The following LRCH3 variants were observed in gnomAD, a reference collection of about 807,000 sequenced individuals.
LRCH3 encodes the protein leucine rich repeats and calponin homology domain containing 3.
In LRCH3, 68 loss-of-function variants were observed where a neutral mutation model predicts 104.5. The observed-to-expected ratio is 0.65, with a 90% CI of 0.54 to 0.80. The LOEUF (loss-of-function observed/expected upper bound fraction) is 0.80, where lower values mean the gene tolerates loss of function less well. Ranked by LOEUF, LRCH3 falls within the 30% of genes least tolerant of loss-of-function variation. The pLI is 0.00. For synonymous variants in LRCH3, 344 were observed against 361.3 expected (o/e 0.95, Z 0.54); for missense variants, 951 against 953.9 (o/e 1.00, Z 0.04).
chr3:197,859,529 T>G (rs930460347), intron 15 of LRCH3: 5 of 152,266 alleles, frequency 3.3e-5, no homozygotes, highest in African/African-American at 1.2e-4. Context: ...GATGATACAT[T>G]CCACCTTCTG....
At chr3:197,874,920 A>G (rs960892804) in intron 19 of LRCH3, among the ~76,000 whole-genome samples, 9 of 148,840 alleles carry the variant, frequency 6.0e-5, no homozygotes, top group African/African-American at 2.3e-4. Context: ...AGTGGTTGCA[A>G]CAGTTCTTTT....
intron 1 of LRCH3, among the ~76,000 whole-genome samples, chr3:197,811,886 C>T (rs1286480443): frequency 6.6e-6 from 1 of 152,110 alleles, no homozygotes; most frequent in Non-Finnish European, 1.5e-5. Context: ...GTGTATTATT[C>T]ATTTTATTGC....
At chr3:197,820,207 T>G (rs1174248895) in intron 3 of LRCH3, 118 bp from the exon 4 acceptor site, 1 of 701,810 alleles carries the variant, frequency 1.4e-6, no homozygotes, top group Non-Finnish European at 2.5e-6. Context: ...AACCATTGAA[T>G]TAAGCTATTA....
intron 7 of LRCH3, chr3:197,831,108 G>C: frequency 2.8e-6 from 1 of 362,840 alleles, no homozygotes; most frequent in Non-Finnish European, 5.2e-6. Flanking sequence ...TCATAGAAAG[G>C]CAAACAGGAG....
chr3:197,886,010 A>G lies in LRCH3; in HGVS notation c.*2344A>G, dbSNP rs1714167623. Reference sequence around the variant, plus strand: ...TCTTCCTTGTTCTTGCAGAGAAACAAATTCATCAGAACATTACCACTTGAC... The same window carrying G: ...TCTTCCTTGTTCTTGCAGAGAAACAGATTCATCAGAACATTACCACTTGAC... On this transcript the variant is annotated 3_prime_UTR_variant, in exon 21 of 21. Transcript: ENST00000425562. The G allele has an allele frequency of 1.3e-5, 2 of 152,114 alleles. No homozygotes were observed. The highest frequency in any genetic ancestry group is 2.9e-5 in the Non-Finnish European group (2 of 68,032). The allele number at this position is 152,114 out of a possible 1,614,324, so 9.4% of individuals were successfully genotyped here. A position where few individuals can be genotyped will look rare whatever the true frequency, so the allele number is the denominator to read the frequency against.
chr3:197,869,467 C>T (rs1293733140), intron 17 of LRCH3, among the ~76,000 whole-genome samples: 1 of 150,024 alleles, frequency 6.7e-6, no homozygotes, highest in Non-Finnish European at 1.5e-5. Flanking sequence ...AAGCGGTGCA[C>T]TGTACCTGCA....
At position 197,847,926 on chromosome 3, in the gene LRCH3, A is replaced by T. The variant is rs1738996067; in HGVS notation, c.1435A>T (p.Thr479Ser). ...GAGAAGGGAGCAGTTAGTAGAGCGC[A>T]CTCGGAGAGAGGCTCAGCTTGCTGC... is the stretch of plus-strand genomic sequence containing the variant. ...HQRREQLVER[T>S]RREAQLAALQ... Residue 479 changes from threonine to serine, a missense_variant, in exon 12 of 21, where the codon ACT becomes TCT. By Grantham distance (58) the Thr-to-Ser change is moderately conservative. Transcript: ENST00000425562. 6.8e-6 allele frequency: 11 copies of T among 1,613,966 alleles called. No homozygotes were observed. Among genetic ancestry groups the T allele is most frequent in the Non-Finnish European group, 9.3e-6 (11 of 1,179,986 alleles).
At chr3:197,867,149 C>T (rs529401815) in intron 17 of LRCH3, among the ~76,000 whole-genome samples, 77 of 152,256 alleles carry the variant, frequency 5.1e-4, no homozygotes, top group Non-Finnish European at 8.4e-4. Flanking sequence ...TGGCAGCAGG[C>T]GCCTGTAATT....
At chr3:197,864,949 A>C (rs1313380627) in intron 15 of LRCH3, among the ~76,000 whole-genome samples, 2 of 152,070 alleles carry the variant, frequency 1.3e-5, no homozygotes, top group African/African-American at 4.8e-5. Flanking sequence ...TGAGCCTGGG[A>C]GATCATGGCA....
At chr3:197,834,905 T>A (rs1480282758) in intron 8 of LRCH3, among the ~76,000 whole-genome samples, 12 of 152,246 alleles carry the variant, frequency 7.9e-5, no homozygotes, top group South Asian at 2.1e-4. Context: ...GCACTTTGGG[T>A]GGCCACAGTG....
chr3:197,863,100 GA>G (rs1259724153), intron 15 of LRCH3, among the ~76,000 whole-genome samples: 1 of 152,106 alleles, frequency 6.6e-6, no homozygotes, highest in African/African-American at 2.4e-5. Context: ...CAATGGTAGG[GA>G]AAGTATGGGA....
At chr3:197,879,999 G>A (rs1329737949) in intron 20 of LRCH3, among the ~76,000 whole-genome samples, 3 of 150,054 alleles carry the variant, frequency 2.0e-5, no homozygotes, top group Non-Finnish European at 4.4e-5. Flanking sequence ...AGGCTGGAGT[G>A]CGGTGGCGCG....
chr3:197,867,343 G>A (rs1335642671), intron 17 of LRCH3, among the ~76,000 whole-genome samples: 1 of 151,450 alleles, frequency 6.6e-6, no homozygotes, highest in African/African-American at 2.4e-5. Context: ...TTGAACCCAG[G>A]AGGTGGAGGC....
At chr3:197,823,901 A>G (rs555546774) in intron 4 of LRCH3, among the ~76,000 whole-genome samples, 1 of 152,248 alleles carries the variant, frequency 6.6e-6, no homozygotes, top group East Asian at 1.9e-4. Context: ...TTACACTGTC[A>G]CCATACCATG....
At chr3:197,821,353 T>C (rs1239796908) in intron 4 of LRCH3, among the ~76,000 whole-genome samples, 1 of 152,128 alleles carries the variant, frequency 6.6e-6, no homozygotes, top group African/African-American at 2.4e-5. Context: ...AAGTCTAGTT[T>C]ATCAATCTTT....
chr3:197,882,774 A>G (rs1360831046), intron 20 of LRCH3: 2 of 985,264 alleles, frequency 2.0e-6, no homozygotes, highest in Non-Finnish European at 2.4e-6. Context: ...TCAAGCAAAC[A>G]GTGTCAACAC....
At chr3:197,799,931 C>T (rs929122767) in intron 1 of LRCH3, among the ~76,000 whole-genome samples, 3 of 151,786 alleles carry the variant, frequency 2.0e-5, no homozygotes, top group African/African-American at 7.3e-5. Flanking sequence ...CCTGTAATCC[C>T]AGCACTTTGG....
At chr3:197,874,024 GAAAAAAA>G (rs34903890) in intron 19 of LRCH3, among the ~76,000 whole-genome samples, 1 of 112,296 alleles carries the variant, frequency 8.9e-6, no homozygotes, top group Non-Finnish European at 1.8e-5. Context: ...TGTCTCAAAA[GAAAAAAA>G]AAAAAAAAAA....
At chr3:197,797,888 A>T (rs1420324819) in intron 1 of LRCH3, among the ~76,000 whole-genome samples, 1 of 147,120 alleles carries the variant, frequency 6.8e-6, no homozygotes, top group Non-Finnish European at 1.5e-5. Context: ...AAAAACAAAA[A>T]AAAAAACAAA....
Sources: gnomAD v4.1 joint callset for allele counts (sites outside exome capture counted in the v4.1 genomes callset) on GRCh38, gnomAD v4.1.1 for gene constraint, MANE v1.5 for transcripts, NCBI Gene and HGNC (gene_info 2026-07-23, HGNC 2026-07-21) for gene names.